IL1RAPL1: variants seen among roughly 807,000 people sequenced by gnomAD.
IL1RAPL1 encodes interleukin-1 receptor accessory protein-like 1.
In IL1RAPL1, 3 loss-of-function variants were observed where a neutral mutation model predicts 48.4. The ratio of observed to expected loss-of-function variants is 0.06; its 90% CI spans 0.03 to 0.16. The LOEUF is 0.16. Among genes scored for constraint, IL1RAPL1 ranks in the 10% least tolerant of loss-of-function variants. The pLI is 1.00. For synonymous variants in IL1RAPL1, 185 were observed against 187.7 expected, an observed-to-expected ratio of 0.99 and a Z score of 0.12; for missense variants, 349 against 530.6, an observed-to-expected ratio of 0.66 and a Z score of 3.36.
chrX:28,807,722 A>T (rs1569177307), intron 2 of IL1RAPL1, among the ~76,000 whole-genome samples: 1 of 111,357 alleles, frequency 9.0e-6, no homozygotes, highest in Non-Finnish European at 1.9e-5. Context: ...AACTTTATAG[A>T]TGTACGCCAT....
At chrX:29,227,572 G>T (rs1345541626) in intron 2 of IL1RAPL1, among the ~76,000 whole-genome samples, 3 of 112,148 alleles carry the variant, frequency 2.7e-5, no homozygotes, top group Non-Finnish European at 3.8e-5. Flanking sequence ...AAATTTGGAT[G>T]CAAAGTAATA....
intron 2 of IL1RAPL1, among the ~76,000 whole-genome samples, chrX:28,954,184 TG>T: frequency 9.0e-6 from 1 of 110,968 alleles, no homozygotes; most frequent in East Asian, 2.8e-4. Context: ...CCCTTCAAAA[TG>T]AGTTTTAAAA....
intron 2 of IL1RAPL1, among the ~76,000 whole-genome samples, chrX:29,032,540 ATTGTCT>A (rs1208902690): frequency 3.6e-5 from 4 of 110,593 alleles, no homozygotes; most frequent in African/African-American, 6.6e-5. Context: ...TGCTCTCTTG[ATTGTCT>A]TTGTGAGAAA....
chrX:29,417,830 C>T (rs1472007205), intron 5 of IL1RAPL1, among the ~76,000 whole-genome samples: 1 of 109,958 alleles, frequency 9.1e-6, no homozygotes, highest in Non-Finnish European at 1.9e-5. Context: ...GTTCTGTTTA[C>T]ATACTGCCAT....
chrX:29,438,167 G>T (rs1934502869), intron 5 of IL1RAPL1, among the ~76,000 whole-genome samples: 1 of 111,136 alleles, frequency 9.0e-6, no homozygotes, highest in Non-Finnish European at 1.9e-5. Flanking sequence ...ACAAAGTGTA[G>T]AATTGTTCAC....
At chrX:29,940,254 G>A (rs1182868743) in intron 8 of IL1RAPL1, among the ~76,000 whole-genome samples, 1 of 110,855 alleles carries the variant, frequency 9.0e-6, no homozygotes, top group Non-Finnish European at 1.9e-5. Context: ...AATGATGGCC[G>A]TGCTTTTCAG....
chrX:29,484,001 C>A (rs1466839141), intron 5 of IL1RAPL1, among the ~76,000 whole-genome samples: 1 of 66,023 alleles, frequency 1.5e-5, no homozygotes, highest in Non-Finnish European at 2.9e-5. Flanking sequence ...CCCAGTAGTC[C>A]ATTAAAAAAA....
intron 2 of IL1RAPL1, among the ~76,000 whole-genome samples, chrX:29,240,206 ATATATATATATATATATATTTTTTT>A (rs1569267332): frequency 3.9e-4 from 17 of 44,014 alleles, no homozygotes; most frequent in African/African-American, 3.4e-3. Flanking sequence ...ATATATATAT[ATATATATATATATATATATTTTTTT>A]TTTTTTTTTT....
In IL1RAPL1 at chrX:28,690,950, A is replaced by G. The variant is rs975648363; in HGVS notation, c.-24-98370A>G. 1.3e-4 allele frequency among the ~76,000 whole-genome samples: 14 copies of G among 111,499 alleles called. No individual in the cohort carries two copies. In the Admixed American group the frequency reaches 1.3e-3, roughly 11 times the overall value. On this transcript the variant is annotated intron_variant, in intron 1 of 10. Coordinates refer to ENST00000378993, the MANE Select transcript of IL1RAPL1 (RefSeq NM_014271.4). ...ACCCTATTCCAAGCTCCTGCCTTCA[A>G]CTGAATGATTGCAATAACGTCTTAA... is the stretch of plus-strand genomic sequence containing the variant.
intron 3 of IL1RAPL1, among the ~76,000 whole-genome samples, chrX:29,371,055 A>T (rs1000972399): frequency 9.2e-6 from 1 of 109,157 alleles, no homozygotes; most frequent in Non-Finnish European, 1.9e-5. Context: ...AATATACAAT[A>T]AATTATTTTT....
intron 2 of IL1RAPL1, among the ~76,000 whole-genome samples, chrX:29,187,799 T>C (rs1930280895): frequency 9.0e-6 from 1 of 111,624 alleles, no homozygotes; most frequent in African/African-American, 3.3e-5. Context: ...ACTCTTCTGC[T>C]TTAACTGTTA....
At chrX:28,819,967 GATATATATATATATAT>G (rs764635166) in intron 2 of IL1RAPL1, among the ~76,000 whole-genome samples, 2,991 of 26,748 alleles carry the variant, frequency 0.11, 117 homozygotes, top group South Asian at 0.19. Flanking sequence ...TAAACATAGT[GATATATATATATATAT>G]ATATATATAT....
intron 2 of IL1RAPL1, among the ~76,000 whole-genome samples, chrX:28,952,162 T>G (rs1408212610): frequency 9.0e-6 from 1 of 111,219 alleles, no homozygotes; most frequent in Non-Finnish European, 1.9e-5. Flanking sequence ...AGCATTAATT[T>G]TAAATATTAA....
At chrX:28,824,282 CCTTTA>C (rs1353875022) in intron 2 of IL1RAPL1, among the ~76,000 whole-genome samples, 1 of 110,823 alleles carries the variant, frequency 9.0e-6, no homozygotes, top group African/African-American at 3.3e-5. Flanking sequence ...AAAGTTTTTC[CCTTTA>C]CTTTATGTAT....
intron 1 of IL1RAPL1, among the ~76,000 whole-genome samples, chrX:28,784,925 T>A (rs1278257459): frequency 8.9e-6 from 1 of 111,782 alleles, no homozygotes; most frequent in Non-Finnish European, 1.9e-5. Context: ...CAGTTAATCC[T>A]CAACTTCTCT....
intron 3 of IL1RAPL1, among the ~76,000 whole-genome samples, chrX:29,333,420 T>A (rs1464740945): frequency 1.2e-4 from 9 of 75,726 alleles, no homozygotes; most frequent in African/African-American, 1.0e-4. Flanking sequence ...CCCCCCCACC[T>A]CCCTCCCGGA....
intron 2 of IL1RAPL1, among the ~76,000 whole-genome samples, chrX:28,803,458 CTT>C (rs1187080618): frequency 9.0e-6 from 1 of 111,592 alleles, no homozygotes; most frequent in Non-Finnish European, 1.9e-5. Context: ...AAAGCAGTTA[CTT>C]TTATCTGCAT....
rs73456463 is a variant in IL1RAPL1, at chrX:29,884,389, C to A, written c.779-33075C>A. On this transcript the variant is annotated intron_variant, in intron 6 of 10. Coordinates refer to ENST00000378993, the MANE Select transcript of IL1RAPL1 (RefSeq NM_014271.4). The stretch of plus-strand genomic sequence containing the variant: ...ACTGGACAAAGTACACACCATTTCT[C>A]CATGATACTCATCTTCCCATGGCTC... Among the ~76,000 whole-genome samples the A allele has an allele frequency of 6.6e-3, 728 of 110,834 alleles. 4 individuals are homozygous for A. The highest frequency in any genetic ancestry group is 0.022 in the African/African-American group (683 of 30,443).
intron 2 of IL1RAPL1, among the ~76,000 whole-genome samples, chrX:28,798,778 C>T (rs753968117): frequency 9.0e-6 from 1 of 111,171 alleles, no homozygotes; most frequent in African/African-American, 3.3e-5. Context: ...CTGTGCAATC[C>T]ATGGTGCATG....
Sources: allele counts gnomAD v4.1 joint callset (sites outside exome capture counted in the v4.1 genomes callset), GRCh38; gene constraint gnomAD v4.1.1; transcripts MANE v1.5; gene names NCBI Gene and HGNC (gene_info 2026-07-23, HGNC 2026-07-21).